The following CGNL1 variants were observed in gnomAD, a reference collection of about 807,000 sequenced individuals.
The protein encoded by CGNL1 is cingulin-like protein 1.
In CGNL1, 132 loss-of-function variants were observed where a neutral mutation model predicts 141.2. The ratio of observed to expected loss-of-function variants is 0.93; its 90% confidence interval spans 0.81 to 1.08. CGNL1 has a LOEUF of 1.08. Among genes scored for constraint, CGNL1 ranks in the 50% least tolerant of loss-of-function variants. The pLI is 0.00. For missense variants in CGNL1, 1,870 were observed against 1,588.6 expected, an observed-to-expected ratio of 1.18 and a Z score of -3.01; for synonymous variants, 690 against 622.1, an observed-to-expected ratio of 1.11 and a Z score of -1.63.
At chr15:57,543,654 A>G (rs2032687254) in intron 14 of CGNL1, 42 bp from the exon 15 acceptor site, 1 of 1,516,230 alleles carries the variant, frequency 6.6e-7, no homozygotes, top group African/African-American at 1.4e-5. Context: ...AGATACAGGA[A>G]CAGTCCTTCT....
Position 57,518,724 on chromosome 15 carries a change from C to T in CGNL1, c.2715+227C>T, listed in dbSNP as rs79701356. 7.4e-4 allele frequency among the ~76,000 whole-genome samples: 112 copies of T among 152,338 alleles called. 1 individual carries two copies. The highest frequency in any genetic ancestry group is 2.6e-3 in the African/African-American group (109 of 41,582). On this transcript the variant is annotated intron_variant, in intron 10 of 18. Transcript: ENST00000281282. ...TTTGGTTGTCACAACTGGAGAGATG[C>T]TACTGGCGCCTCGTGGGTGGAAAAC...
intron 8 of CGNL1, among the ~76,000 whole-genome samples, chr15:57,511,452 T>C (rs73423522): frequency 0.031 from 4,757 of 152,302 alleles, 256 homozygotes; most frequent in African/African-American, 0.11. Context: ...CTCATTTATA[T>C]GTCATTTTGC....
chr15:57,502,394 C>T (rs1179071162), intron 8 of CGNL1, among the ~76,000 whole-genome samples: 1 of 152,134 alleles, frequency 6.6e-6, no homozygotes, highest in Non-Finnish European at 1.5e-5. Flanking sequence ...GGCTGAATGG[C>T]TGCTTATCTT....
intron 1 of CGNL1, among the ~76,000 whole-genome samples, chr15:57,417,516 G>A (rs2062861978): frequency 6.6e-6 from 1 of 152,094 alleles, no homozygotes; most frequent in Non-Finnish European, 1.5e-5. Flanking sequence ...TTTTAGGCAT[G>A]AGCCACTGCA....
chr15:57,462,266 G>A (rs888947455), intron 8 of CGNL1, among the ~76,000 whole-genome samples: 3 of 152,156 alleles, frequency 2.0e-5, no homozygotes, highest in Non-Finnish European at 4.4e-5. Flanking sequence ...AAGTGCAGAC[G>A]GGACCCAGAT....
At chr15:57,484,724 A>G (rs1404052489) in intron 8 of CGNL1, among the ~76,000 whole-genome samples, 2 of 151,670 alleles carry the variant, frequency 1.3e-5, no homozygotes, top group Non-Finnish European at 2.9e-5. Flanking sequence ...TTACCCCCCA[A>G]TCCACTGACA....
chr15:57,380,982 A>T (rs1038231519), intron 1 of CGNL1, among the ~76,000 whole-genome samples: 2 of 152,212 alleles, frequency 1.3e-5, no homozygotes, highest in Non-Finnish European at 2.9e-5. Context: ...TCATCATACC[A>T]TGGTTGCTGT....
intron 4 of CGNL1, among the ~76,000 whole-genome samples, 176 bp downstream of exon 4, chr15:57,442,654 T>C (rs2063204099): frequency 6.6e-6 from 1 of 152,160 alleles, no homozygotes; most frequent in Non-Finnish European, 1.5e-5. Flanking sequence ...ACAGAGTCTC[T>C]GTCACCCTGG....
At chr15:57,469,758 C>T (rs919849311) in intron 8 of CGNL1, among the ~76,000 whole-genome samples, 6 of 152,152 alleles carry the variant, frequency 3.9e-5, no homozygotes, top group Non-Finnish European at 5.9e-5. Context: ...GTGTATTTTA[C>T]CCAGCAATTT....
intron 1 of CGNL1, among the ~76,000 whole-genome samples, chr15:57,380,725 G>A (rs1255985970): frequency 6.6e-6 from 1 of 152,180 alleles, no homozygotes; most frequent in Non-Finnish European, 1.5e-5. Flanking sequence ...ATTCTGGCAG[G>A]TGTCTTTTGC....
At chr15:57,539,339 C>G (rs1187138048) in intron 14 of CGNL1, among the ~76,000 whole-genome samples, 5 of 152,172 alleles carry the variant, frequency 3.3e-5, no homozygotes, top group African/African-American at 1.2e-4. Context: ...CCTCTCCCCA[C>G]CCACATTCTG....
intron 8 of CGNL1, among the ~76,000 whole-genome samples, chr15:57,511,389 T>C (rs189026831): frequency 2.0e-5 from 3 of 152,354 alleles, no homozygotes; most frequent in African/African-American, 7.2e-5. Flanking sequence ...TAGTACCTAA[T>C]TGGCCTTTAG....
chr15:57,400,842 C>T (rs967265973), intron 1 of CGNL1, among the ~76,000 whole-genome samples: 2 of 145,506 alleles, frequency 1.4e-5, no homozygotes, highest in African/African-American at 5.2e-5. Flanking sequence ...AGGATTGCAC[C>T]GTTGCACTCC....
At chr15:57,545,303 G>C (rs1207678987) in intron 16 of CGNL1, among the ~76,000 whole-genome samples, 1 of 152,228 alleles carries the variant, frequency 6.6e-6, no homozygotes, top group Non-Finnish European at 1.5e-5. Flanking sequence ...TCTGCAGTTT[G>C]TGACTTCTTG....
intron 1 of CGNL1, among the ~76,000 whole-genome samples, chr15:57,396,470 G>A (rs141927690): frequency 1.1e-3 from 160 of 151,824 alleles, no homozygotes; most frequent in Non-Finnish European, 1.6e-3. Flanking sequence ...ACAGGGTTTC[G>A]CCATGTTGGC....
chr15:57,389,694 A>G (rs2062521187), intron 1 of CGNL1, among the ~76,000 whole-genome samples: 2 of 152,176 alleles, frequency 1.3e-5, no homozygotes, highest in African/African-American at 4.8e-5. Flanking sequence ...AAGCGTAAAT[A>G]TTTTATCATC....
chr15:57,421,529 A>C (rs555800859), intron 1 of CGNL1, among the ~76,000 whole-genome samples: 1 of 152,152 alleles, frequency 6.6e-6, no homozygotes, highest in Non-Finnish European at 1.5e-5. Context: ...AGGGTCTGAC[A>C]AGACACTTTT....
At chr15:57,409,275 A>T (rs544086245) in intron 1 of CGNL1, among the ~76,000 whole-genome samples, 2 of 152,300 alleles carry the variant, frequency 1.3e-5, no homozygotes, top group Admixed American at 1.3e-4. Flanking sequence ...ACGTGTGAGT[A>T]GGTGCAGAGC....
intron 10 of CGNL1, among the ~76,000 whole-genome samples, chr15:57,519,918 G>T (rs746480324): frequency 1.3e-5 from 2 of 152,236 alleles, no homozygotes; most frequent in Non-Finnish European, 2.9e-5. Context: ...TGGTTCCCCT[G>T]CTGGGTATCT....
Sources: gnomAD v4.1 joint callset for allele counts (sites outside exome capture counted in the v4.1 genomes callset) on GRCh38, gnomAD v4.1.1 for gene constraint, MANE v1.5 for transcripts, NCBI Gene and HGNC (gene_info 2026-07-23, HGNC 2026-07-21) for gene names.